Variants in ST6GAL2 observed in about 807,000 individuals in gnomAD.
The protein encoded by ST6GAL2 is beta-galactoside alpha-2,6-sialyltransferase 2.
In ST6GAL2, 24 loss-of-function variants were observed where a neutral mutation model predicts 37.5. The ratio of observed to expected loss-of-function variants is 0.64; its 90% confidence interval spans 0.46 to 0.90. The LOEUF (loss-of-function observed/expected upper bound fraction) is 0.90. ST6GAL2 is among the 40% of genes least tolerant of loss of function. The probability of loss-of-function intolerance (pLI) is 0.00; values close to 1 mark genes in which losing one functional copy is unlikely to be tolerated. For synonymous variants in ST6GAL2, 306 were observed against 295.1 expected, an observed-to-expected ratio of 1.04 and a Z score of -0.38; for missense variants, 715 against 712.7, an observed-to-expected ratio of 1.00 and a Z score of -0.04.
At chr2:106,836,913 C>A (rs1676667971) in intron 2 of ST6GAL2, among the ~76,000 whole-genome samples, 1 of 125,246 alleles carries the variant, frequency 8.0e-6, no homozygotes, top group Non-Finnish European at 1.6e-5. Context: ...CATTACACTA[C>A]AACCTGAGCA....
intron 1 of ST6GAL2, among the ~76,000 whole-genome samples, chr2:106,858,696 C>T (rs1325842423): frequency 6.6e-6 from 1 of 152,112 alleles, no homozygotes; most frequent in East Asian, 1.9e-4. Context: ...CCTGTCAACA[C>T]CAAACCCTCT....
chr2:106,823,442 A>ACACACAC (rs1676078199), intron 5 of ST6GAL2, among the ~76,000 whole-genome samples: 3 of 101,512 alleles, frequency 3.0e-5, no homozygotes, highest in Non-Finnish European at 4.3e-5. Context: ...CCCAGCAGAA[A>ACACACAC]ACACACACAC....
chr2:106,826,412 A>G (rs1323973455), intron 5 of ST6GAL2, among the ~76,000 whole-genome samples: 1 of 151,794 alleles, frequency 6.6e-6, no homozygotes, highest in Non-Finnish European at 1.5e-5. Flanking sequence ...CAAATAACCA[A>G]ATCTGTAGTC....
At chr2:106,834,409 C>T (rs1337748209) in intron 2 of ST6GAL2, 1 of 339,516 alleles carries the variant, frequency 2.9e-6, no homozygotes, top group Admixed American at 4.5e-5. Flanking sequence ...TATTTAGATA[C>T]TTGCTACCTT....
At chr2:106,856,459 G>A (rs998047118) in intron 1 of ST6GAL2, among the ~76,000 whole-genome samples, 6 of 152,194 alleles carry the variant, frequency 3.9e-5, no homozygotes, top group African/African-American at 1.2e-4. Context: ...AAGGGAAAAG[G>A]GAGGATTGGC....
At chr2:106,840,737 G>A (rs926857935) in intron 2 of ST6GAL2, among the ~76,000 whole-genome samples, 1 of 152,106 alleles carries the variant, frequency 6.6e-6, no homozygotes, top group Non-Finnish European at 1.5e-5. Context: ...CTTCCAAATT[G>A]TAAACAGAGT....
upstream of ST6GAL2, chr2:106,886,393 C>G (rs893449648): frequency 1.3e-5 from 2 of 152,150 alleles, no homozygotes; most frequent in African/African-American, 4.8e-5. Context: ...GGAGCTGCCC[C>G]GCGCTCCCGT....
At chr2:106,873,753 A>C (rs901717413) in intron 1 of ST6GAL2, among the ~76,000 whole-genome samples, 2 of 152,242 alleles carry the variant, frequency 1.3e-5, no homozygotes, top group African/African-American at 4.8e-5. Context: ...TGAATGGTTT[A>C]GCAGTGATTT....
At chr2:106,874,586 G>A (rs1199842049) in intron 1 of ST6GAL2, among the ~76,000 whole-genome samples, 1 of 152,236 alleles carries the variant, frequency 6.6e-6, no homozygotes, top group East Asian at 1.9e-4. Context: ...ATGCAGGAGG[G>A]GCAAGAGTGT....
At position 106,834,035 on chromosome 2, in the gene ST6GAL2, T is replaced by C. The variant is rs761755067; in HGVS notation, c.1041+14A>G. On this transcript the variant is annotated intron_variant, in intron 3 of 5. Coordinates refer to ENST00000409382, the MANE Select transcript of ST6GAL2 (RefSeq NM_001142351.2). ...AAGAAACATACATCCATGAAAACAC[T>C]CCATCTGTCTTACCTGCGAATTAAT... 3.2e-6 allele frequency: 5 copies of C among 1,587,090 alleles called. No homozygotes were observed. The highest frequency in any genetic ancestry group is 3.5e-6 in the Non-Finnish European group (4 of 1,156,746).
At chr2:106,865,884 G>A (rs1163070272) in intron 1 of ST6GAL2, among the ~76,000 whole-genome samples, 1 of 152,164 alleles carries the variant, frequency 6.6e-6, no homozygotes, top group East Asian at 1.9e-4. Flanking sequence ...GTTTTCAAGA[G>A]ATAATAAAAT....
intron 1 of ST6GAL2, among the ~76,000 whole-genome samples, chr2:106,844,741 G>A (rs939218109): frequency 3.3e-5 from 5 of 152,158 alleles, no homozygotes; most frequent in African/African-American, 1.2e-4. Context: ...AGATAAGAGG[G>A]AAGTACATTA....
At chr2:106,811,010 C>T (rs116287233) in intron 5 of ST6GAL2, among the ~76,000 whole-genome samples, 1,981 of 151,952 alleles carry the variant, frequency 0.013, 45 homozygotes, top group African/African-American at 0.045. Flanking sequence ...ATGTGAAAGG[C>T]AGACAAGGAG....
Position 106,843,544 on chromosome 2 carries a change from T to C in ST6GAL2, c.434A>G (p.Gln145Arg). ...GGGGGAAGGGAATCCCAATGTCCCCTGAGTGTGGCTGTGCCACCCTGGCTG... is the reference window on the plus strand; with the variant it reads ...GGGGGAAGGGAATCCCAATGTCCCCCGAGTGTGGCTGTGCCACCCTGGCTG... Reference protein sequence around the residue: ...AGQPGWHSHTQGTLGFPSPGE... With the variant: ...AGQPGWHSHTRGTLGFPSPGE... Residue 145 changes from glutamine to arginine, a missense_variant, in exon 2 of 6, where the codon CAG becomes CGG. Physicochemically the swap from Gln to Arg is conservative, Grantham distance 43. Transcript: ENST00000409382. 6.2e-7 allele frequency: 1 copy of C among 1,614,044 alleles called. No individual in the cohort carries two copies. Among genetic ancestry groups the C allele is most frequent in the Non-Finnish European group, 8.5e-7 (1 of 1,180,004 alleles).
chr2:106,803,551 T>C lies in ST6GAL2; in HGVS notation c.*3127A>G, dbSNP rs972702759. On this transcript the variant is annotated 3_prime_UTR_variant, in exon 6 of 6. Coordinates refer to ENST00000409382, the MANE Select transcript of ST6GAL2 (RefSeq NM_001142351.2). ...TGCCTGGTGTGACTGGCTGGAGAAA[T>C]AAGGTAGGGAGAATCTAGATATGGT... 2 of 151,978 alleles carry C rather than the reference T, an allele frequency of 1.3e-5. No homozygotes were observed. Among genetic ancestry groups the C allele is most frequent in the African/African-American group, 4.8e-5 (2 of 41,370 alleles). The allele number at this position is 151,978 out of a possible 1,614,324, so 9.4% of individuals were successfully genotyped here.
chr2:106,859,629 C>T (rs1677719126), intron 1 of ST6GAL2, among the ~76,000 whole-genome samples: 1 of 152,154 alleles, frequency 6.6e-6, no homozygotes, highest in Non-Finnish European at 1.5e-5. Flanking sequence ...CAACCACCAG[C>T]AAACCCAGAT....
At chr2:106,868,238 G>C (rs969962579) in intron 1 of ST6GAL2, among the ~76,000 whole-genome samples, 3 of 152,112 alleles carry the variant, frequency 2.0e-5, no homozygotes, top group African/African-American at 7.2e-5. Context: ...CTGGAATACG[G>C]TTAATTTTTT....
intron 1 of ST6GAL2, among the ~76,000 whole-genome samples, chr2:106,872,107 T>C (rs1210622697): frequency 6.6e-6 from 1 of 152,228 alleles, no homozygotes. Context: ...GCTACAAGTC[T>C]CTAAGAGATT....
chr2:106,842,357 G>A (rs1676919677), intron 2 of ST6GAL2, among the ~76,000 whole-genome samples: 1 of 152,216 alleles, frequency 6.6e-6, no homozygotes. Context: ...AAGCCCAGGT[G>A]TTGCATGTTA....
Sources: gnomAD v4.1 joint callset for allele counts (sites outside exome capture counted in the v4.1 genomes callset) on GRCh38, gnomAD v4.1.1 for gene constraint, MANE v1.5 for transcripts, NCBI Gene and HGNC (gene_info 2026-07-23, HGNC 2026-07-21) for gene names.